The following CCPG1 variants were observed in gnomAD, a reference collection of about 807,000 sequenced individuals.
The protein encoded by CCPG1 is cell cycle progression 1.
Under a neutral mutation model 81.3 loss-of-function variants are expected in CCPG1, and 46 were observed. The observed-to-expected ratio is 0.57, with a 90% CI of 0.45 to 0.72. The LOEUF is 0.72. CCPG1 is among the 30% of genes least tolerant of loss of function. CCPG1 has a pLI of 0.00. For missense variants in CCPG1, 902 were observed against 937.6 expected (o/e 0.96, Z 0.50); for synonymous variants, 330 against 305.2 (o/e 1.08, Z -0.85).
At chr15:55,367,704 G>A (rs1218644002) in intron 6 of CCPG1, among the ~76,000 whole-genome samples, 5 of 151,742 alleles carry the variant, frequency 3.3e-5, no homozygotes, top group African/African-American at 1.2e-4. Context: ...AAACCAAACT[G>A]TGCTTACCAT....
At chr15:55,369,887 GAAGT>G (rs1186650760) in intron 6 of CCPG1, among the ~76,000 whole-genome samples, 1 of 151,676 alleles carries the variant, frequency 6.6e-6, no homozygotes, top group East Asian at 1.9e-4. Flanking sequence ...AATTTTTTTT[GAAGT>G]AAGAAAAAAA....
At chr15:55,389,318 A>T in intron 2 of CCPG1, 47 bp downstream of exon 2, 1 of 1,281,408 alleles carries the variant, frequency 7.8e-7, no homozygotes, top group Non-Finnish European at 1.1e-6. Flanking sequence ...CATCACTGGT[A>T]ACATTAATAT....
chr15:55,405,650 G>T (rs963614384), intron 1 of CCPG1, among the ~76,000 whole-genome samples: 1 of 152,160 alleles, frequency 6.6e-6, no homozygotes, highest in Non-Finnish European at 1.5e-5. Flanking sequence ...GCAGTAAGTC[G>T]TGTCCAGGCC....
At position 55,356,299 on chromosome 15, in the gene CCPG1, T is replaced by G; in HGVS notation, c.2345A>C (p.Lys782Thr). The change falls in exon 9 of 9, where the codon AAA (lysine) becomes ACA (threonine). Residue 782 changes from lysine (K) to threonine (T), a missense_variant. Lys to Thr is a moderately conservative substitution (Grantham distance 78). Transcript: ENST00000442196. The stretch of plus-strand genomic sequence containing the variant: ...TTGTCTTCCATTAGTGCGACCATAT[T>G]TATGCCATTTACCTTCCCTTTTATA... ...QPYKREGKWH[K>T]YGRTNGRQMA... 6.5e-7 allele frequency: 1 copy of G among 1,535,514 alleles called. No homozygotes were observed. The highest frequency in any genetic ancestry group is 8.7e-7 in the Non-Finnish European group (1 of 1,146,558).
At chr15:55,400,461 T>G (rs2057107834) in intron 1 of CCPG1, among the ~76,000 whole-genome samples, 1 of 151,192 alleles carries the variant, frequency 6.6e-6, no homozygotes, top group African/African-American at 2.4e-5. Flanking sequence ...TGAGCCGAGA[T>G]CACACCACTG....
chr15:55,368,959 A>C (rs58743089), intron 6 of CCPG1, among the ~76,000 whole-genome samples: 28,164 of 151,990 alleles, frequency 0.19, 4,637 homozygotes, highest in African/African-American at 0.45. Flanking sequence ...TAAAAATACA[A>C]AAAGTAGCCA....
chr15:55,393,921 C>CCCTACGCTAGGGCCCGCCACA (rs2056970164), intron 1 of CCPG1, among the ~76,000 whole-genome samples: 1 of 152,156 alleles, frequency 6.6e-6, no homozygotes, highest in Admixed American at 6.6e-5. Flanking sequence ...GCCCTTGAGC[C>CCCTACGCTAGGGCCCGCCACA]CCTACGCTAG....
Position 55,359,543 on chromosome 15 carries a change from G to T in CCPG1, c.2230C>A (p.Pro744Thr), listed in dbSNP as rs774446754. ...FGHTFSPPYG[P>T]SRPDKKQRMV... is the part of the protein sequence containing the mutation. ...CACGGTTTTATGTAAACCGACCTGG[G>T]TCCATATGGAGGGGAAAAAGTGTGA... The change falls in exon 8 of 9, where the codon CCC (proline) becomes ACC (threonine). Residue 744 changes from proline to threonine, a missense_variant. Around this residue, in one of 3 missense-constraint regions of CCPG1, gnomAD observed 128 missense variants for 161.2 expected, o/e 0.79. Transcript: ENST00000442196. 19 of 1,603,052 alleles carry T rather than the reference G, an allele frequency of 1.2e-5. No individual in the cohort carries two copies. In the South Asian group the frequency reaches 2.0e-4, roughly 17 times the overall value.
intron 1 of CCPG1, among the ~76,000 whole-genome samples, chr15:55,406,614 T>C (rs2057229607): frequency 6.6e-6 from 1 of 151,730 alleles, no homozygotes; most frequent in African/African-American, 2.4e-5. Flanking sequence ...TTTGTATTTT[T>C]AGTAGAGACG....
intron 5 of CCPG1, among the ~76,000 whole-genome samples, chr15:55,375,722 C>G (rs2056551616): frequency 6.8e-6 from 1 of 148,126 alleles, no homozygotes; most frequent in Non-Finnish European, 1.5e-5. Flanking sequence ...GGATCCTGCT[C>G]TGTCACCCAG....
intron 3 of CCPG1, among the ~76,000 whole-genome samples, chr15:55,380,537 C>T (rs139545884): frequency 6.6e-6 from 1 of 151,656 alleles, no homozygotes; most frequent in Non-Finnish European, 1.5e-5. Flanking sequence ...CCCCGTAAGC[C>T]GCCCGCCTCG....
chr15:55,372,153 GAT>G, intron 5 of CCPG1, 109 bp from the exon 6 acceptor site: 1 of 1,079,742 alleles, frequency 9.3e-7, no homozygotes, highest in Non-Finnish European at 1.3e-6. Context: ...TTCTACATAA[GAT>G]AGCCAAAAAC....
chr15:55,390,062 T>C (rs185322024), intron 1 of CCPG1, among the ~76,000 whole-genome samples: 7 of 152,308 alleles, frequency 4.6e-5, no homozygotes, highest in East Asian at 3.9e-4. Context: ...TAGCTGGGAC[T>C]ACAGGCGCGT....
At chr15:55,370,055 T>C (rs1156627548) in intron 6 of CCPG1, among the ~76,000 whole-genome samples, 1 of 152,176 alleles carries the variant, frequency 6.6e-6, no homozygotes, top group Non-Finnish European at 1.5e-5. Context: ...CAAGAAAGGA[T>C]ACAAATAATA....
intron 3 of CCPG1, among the ~76,000 whole-genome samples, chr15:55,379,148 G>GTATGTA (rs1406380649): frequency 2.9e-5 from 4 of 136,834 alleles, no homozygotes; most frequent in Admixed American, 7.1e-5. Flanking sequence ...ATGAAAGTAT[G>GTATGTA]TATGTATATG....
At chr15:55,385,451 G>T in intron 3 of CCPG1, 149 bp downstream of exon 3, 1 of 501,614 alleles carries the variant, frequency 2.0e-6, no homozygotes, top group Non-Finnish European at 3.5e-6. Context: ...ACAGGTGTGA[G>T]CTACTGTGCC....
At chr15:55,380,565 G>T (rs2056666334) in intron 3 of CCPG1, among the ~76,000 whole-genome samples, 1 of 151,688 alleles carries the variant, frequency 6.6e-6, no homozygotes. Context: ...AAAGTGCTGG[G>T]ATTATAGGCA....
At chr15:55,369,655 A>C (rs1218288651) in intron 6 of CCPG1, among the ~76,000 whole-genome samples, 1 of 152,222 alleles carries the variant, frequency 6.6e-6, no homozygotes, top group East Asian at 1.9e-4. Flanking sequence ...TATGTTATCC[A>C]GGCTTTTCAT....
At chr15:55,379,571 C>A (rs141139391) in intron 3 of CCPG1, among the ~76,000 whole-genome samples, 13 of 152,002 alleles carry the variant, frequency 8.6e-5, no homozygotes, top group Non-Finnish European at 1.8e-4. Flanking sequence ...GTGGCTCATG[C>A]TTGTAATCCC....
Sources: allele counts gnomAD v4.1 joint callset (sites outside exome capture counted in the v4.1 genomes callset), GRCh38; gene constraint gnomAD v4.1.1; regional missense constraint gnomAD v4.1.1; transcripts MANE v1.5; gene names NCBI Gene and HGNC (gene_info 2026-07-23, HGNC 2026-07-21).